NELL1: variants seen among roughly 807,000 people sequenced by gnomAD.
NELL1 encodes protein kinase C-binding protein NELL1.
Under a neutral mutation model 107.4 loss-of-function variants are expected in NELL1, and 76 were observed. The ratio of observed to expected loss-of-function variants is 0.71; its 90% confidence interval spans 0.59 to 0.86. The LOEUF (loss-of-function observed/expected upper bound fraction) is 0.86, where lower values mean the gene tolerates loss of function less well. NELL1 is among the 40% of genes least tolerant of loss of function. NELL1 has a pLI of 0.00. For synonymous variants in NELL1, 353 were observed against 341.2 expected, an observed-to-expected ratio of 1.03 and a Z score of -0.38; for missense variants, 1,024 against 1,005.5, an observed-to-expected ratio of 1.02 and a Z score of -0.25.
chr11:21,113,679 C>T lies in NELL1; in HGVS notation c.1391C>T (p.Pro464Leu). 1.2e-6 allele frequency: 2 copies of T among 1,612,076 alleles called. No homozygotes were observed. Among genetic ancestry groups the T allele is most frequent in the Non-Finnish European group, 1.7e-6 (2 of 1,178,678 alleles). ...LPGLYRCDCV[P>L]GYIRVDDFSC... Reference sequence around the variant, plus strand: ...GGGTTATATCGCTGTGACTGTGTCCCAGGATACATTCGTGTGGATGACTTC... The same window carrying T: ...GGGTTATATCGCTGTGACTGTGTCCTAGGATACATTCGTGTGGATGACTTC... Residue 464 changes from proline (P) to leucine (L), a missense_variant, in exon 13 of 20, where the codon CCA (proline) becomes CTA (leucine). Physicochemically the swap from Pro to Leu is moderately conservative, Grantham distance 98. Transcript: ENST00000357134.
chr11:21,421,599 AC>A (rs1207208559), intron 15 of NELL1, among the ~76,000 whole-genome samples: 3 of 151,668 alleles, frequency 2.0e-5, no homozygotes, highest in African/African-American at 7.3e-5. Context: ...TCACGTCCCC[AC>A]CCCACAGCAT....
At chr11:21,255,898 G>C (rs1164034378) in intron 14 of NELL1, among the ~76,000 whole-genome samples, 1 of 151,486 alleles carries the variant, frequency 6.6e-6, no homozygotes. Flanking sequence ...ATTTTCTCTG[G>C]GTTTCAACTT....
intron 14 of NELL1, among the ~76,000 whole-genome samples, chr11:21,232,601 C>G (rs1002888450): frequency 2.6e-5 from 4 of 152,182 alleles, no homozygotes. Context: ...GAAACATTTA[C>G]AGTGGGAGTT....
chr11:21,015,814 G>A (rs1364643657), intron 12 of NELL1, among the ~76,000 whole-genome samples: 1 of 151,998 alleles, frequency 6.6e-6, no homozygotes, highest in Non-Finnish European at 1.5e-5. Context: ...CATAAGCCAG[G>A]CACGTCCTGT....
At chr11:21,289,126 A>G (rs1233847303) in intron 14 of NELL1, among the ~76,000 whole-genome samples, 4 of 152,222 alleles carry the variant, frequency 2.6e-5, no homozygotes, top group Non-Finnish European at 5.9e-5. Flanking sequence ...ACAGGGTCAC[A>G]TTACAAAGGG....
At chr11:21,063,524 T>C (rs77511023) in intron 12 of NELL1, among the ~76,000 whole-genome samples, 1,661 of 152,198 alleles carry the variant, frequency 0.011, 26 homozygotes, top group African/African-American at 0.038. Flanking sequence ...CCACCATGAG[T>C]TATTTCATTA....
intron 12 of NELL1, among the ~76,000 whole-genome samples, chr11:21,032,009 C>A (rs1852970758): frequency 6.6e-6 from 1 of 151,100 alleles, no homozygotes; most frequent in Non-Finnish European, 1.5e-5. Context: ...TGCGCTCCTG[C>A]ACGCCAGCCT....
chr11:20,697,002 A>G (rs1854635190), intron 2 of NELL1, among the ~76,000 whole-genome samples: 1 of 152,120 alleles, frequency 6.6e-6, no homozygotes. Flanking sequence ...TTGGTTTAAG[A>G]GTATGTTACA....
intron 14 of NELL1, among the ~76,000 whole-genome samples, chr11:21,294,086 T>G (rs1849326715): frequency 6.6e-6 from 1 of 151,992 alleles, no homozygotes; most frequent in Non-Finnish European, 1.5e-5. Context: ...TTTAAAAAAG[T>G]AATAAAATGA....
chr11:21,268,835 G>A (rs1848684360), intron 14 of NELL1, among the ~76,000 whole-genome samples: 1 of 152,072 alleles, frequency 6.6e-6, no homozygotes, highest in Admixed American at 6.6e-5. Context: ...AGATGTGGCA[G>A]GAATATTGGG....
chr11:21,203,892 C>T (rs771554257), intron 13 of NELL1, among the ~76,000 whole-genome samples: 1 of 152,096 alleles, frequency 6.6e-6, no homozygotes, highest in Admixed American at 6.6e-5. Flanking sequence ...TGGAGATGAT[C>T]TTCTGGGTTG....
intron 15 of NELL1, among the ~76,000 whole-genome samples, chr11:21,381,613 T>G (rs1199719846): frequency 2.0e-5 from 3 of 151,946 alleles, no homozygotes; most frequent in African/African-American, 7.2e-5. Context: ...CCAAGGATAC[T>G]CAGCAGGTAA....
At chr11:20,686,349 A>G (rs1854304618) in intron 2 of NELL1, among the ~76,000 whole-genome samples, 1 of 152,116 alleles carries the variant, frequency 6.6e-6, no homozygotes, top group African/African-American at 2.4e-5. Context: ...GTAGAGCACA[A>G]AGAATTGAGT....
chr11:21,052,593 GA>G, intron 12 of NELL1, among the ~76,000 whole-genome samples: 1 of 152,140 alleles, frequency 6.6e-6, no homozygotes, highest in African/African-American at 2.4e-5. Flanking sequence ...AAATAGTGAG[GA>G]AGGAAATCTC....
At chr11:20,903,021 C>G (rs1849912363) in intron 5 of NELL1, among the ~76,000 whole-genome samples, 1 of 151,652 alleles carries the variant, frequency 6.6e-6, no homozygotes. Context: ...GGTTGTGAAC[C>G]CAGAAGACTT....
At chr11:20,831,830 G>A (rs1241460461) in intron 3 of NELL1, among the ~76,000 whole-genome samples, 3 of 152,220 alleles carry the variant, frequency 2.0e-5, no homozygotes, top group Non-Finnish European at 1.5e-5. Flanking sequence ...GAATTCACAT[G>A]TGATAGGAAG....
chr11:21,262,079 T>C (rs1336246613), intron 14 of NELL1, among the ~76,000 whole-genome samples: 1 of 151,900 alleles, frequency 6.6e-6, no homozygotes, highest in African/African-American at 2.4e-5. Flanking sequence ...AGCTCTTCGT[T>C]CCTCTTGTCA....
intron 2 of NELL1, among the ~76,000 whole-genome samples, chr11:20,705,135 C>G (rs1281747089): frequency 6.6e-6 from 1 of 152,162 alleles, no homozygotes; most frequent in African/African-American, 2.4e-5. Context: ...CTACCAATGG[C>G]TTTCTTCACA....
At chr11:21,498,572 T>G (rs1296857953) in intron 15 of NELL1, among the ~76,000 whole-genome samples, 1 of 151,842 alleles carries the variant, frequency 6.6e-6, no homozygotes, top group Non-Finnish European at 1.5e-5. Context: ...TGATCAACGT[T>G]TAAATTGTTT....
Sources: gnomAD v4.1 joint callset for allele counts (sites outside exome capture counted in the v4.1 genomes callset) on GRCh38, gnomAD v4.1.1 for gene constraint, MANE v1.5 for transcripts, NCBI Gene and HGNC (gene_info 2026-07-23, HGNC 2026-07-21) for gene names.